Variants in BBX observed in about 807,000 individuals in gnomAD.
The protein encoded by BBX is HMG box transcription factor BBX.
BBX carries 30 observed loss-of-function variants against 100.2 expected under a neutral mutation model. The observed-to-expected ratio is 0.30, with a 90% confidence interval of 0.22 to 0.41. BBX has a LOEUF of 0.41. Among genes scored for constraint, BBX ranks in the 10% least tolerant of loss-of-function variants. BBX has a pLI of 1.00. For missense variants in BBX, 1,023 were observed against 1,129.8 expected, an observed-to-expected ratio of 0.91 and a Z score of 1.35; for synonymous variants, 376 against 388.1, an observed-to-expected ratio of 0.97 and a Z score of 0.37.
chr3:107,694,641 T>A (rs1285137340), intron 3 of BBX, among the ~76,000 whole-genome samples: 5 of 149,728 alleles, frequency 3.3e-5, no homozygotes, highest in Admixed American at 3.3e-4. Flanking sequence ...ATCAAGGATA[T>A]TGGTCTAAAA....
chr3:107,738,460 C>T (rs1273419023), intron 7 of BBX, among the ~76,000 whole-genome samples: 9 of 152,048 alleles, frequency 5.9e-5, no homozygotes, highest in Admixed American at 4.6e-4. Context: ...AAGTGTATTC[C>T]GTAAGACTAA....
At chr3:107,530,757 T>A (rs1327062008) in intron 2 of BBX, among the ~76,000 whole-genome samples, 2 of 152,200 alleles carry the variant, frequency 1.3e-5, no homozygotes, top group African/African-American at 4.8e-5. Context: ...AACATCCCAA[T>A]CCACATAAAA....
chr3:107,669,061 T>C (rs1314558397), intron 3 of BBX, among the ~76,000 whole-genome samples: 1 of 152,096 alleles, frequency 6.6e-6, no homozygotes, highest in Non-Finnish European at 1.5e-5. Context: ...TGGTCTTCAA[T>C]GGGAACTTTA....
rs199498147 is a variant in BBX at position 107,716,625 on chromosome 3, G to A, written c.181G>A (p.Asp61Asn). 2.8e-4 allele frequency: 445 copies of A among 1,613,476 alleles called. 1 individual carries two copies. The highest frequency in any genetic ancestry group is 3.6e-4 in the Non-Finnish European group (426 of 1,179,672). Reference protein sequence around the residue: ...DIDKVQLLGADGLEQDVGETE... With the variant: ...DIDKVQLLGANGLEQDVGETE... ...GTAATAGGTTCAACTTCTTGGGGCC[G>A]ATGGCCTAGAGCAAGATGTTGGTGA... Residue 61 changes from aspartate (D) to asparagine (N), a missense_variant, in exon 5 of 18, where the codon GAT (aspartate) becomes AAT (asparagine). Coordinates refer to ENST00000325805, the MANE Select transcript of BBX (RefSeq NM_001142568.3).
chr3:107,741,877 T>C (rs2064139840), intron 7 of BBX, among the ~76,000 whole-genome samples: 1 of 152,218 alleles, frequency 6.6e-6, no homozygotes, highest in Non-Finnish European at 1.5e-5. Context: ...TTCTTATTTC[T>C]TTATCAAATT....
chr3:107,638,839 A>G (rs2057025706), intron 2 of BBX, among the ~76,000 whole-genome samples: 1 of 138,410 alleles, frequency 7.2e-6, no homozygotes, highest in Non-Finnish European at 1.6e-5. Context: ...ACACAGACAA[A>G]TTAGCCAGGT....
intron 13 of BBX, 79 bp from the exon 14 acceptor site, chr3:107,789,708 T>G: frequency 9.8e-7 from 1 of 1,016,368 alleles, no homozygotes; most frequent in Non-Finnish European, 1.4e-6. Context: ...GGGAGGAGGG[T>G]GGAATTGTTG....
chr3:107,701,296 C>G (rs1396479275), intron 3 of BBX, among the ~76,000 whole-genome samples: 6 of 152,122 alleles, frequency 3.9e-5, no homozygotes, highest in Non-Finnish European at 8.8e-5. Context: ...GAACGGAAGA[C>G]CTTGTTTTCA....
intron 2 of BBX, among the ~76,000 whole-genome samples, chr3:107,612,790 C>CCT (rs1367868810): frequency 6.6e-5 from 10 of 152,162 alleles, no homozygotes; most frequent in African/African-American, 2.4e-4. Context: ...CCACAGTCAG[C>CCT]AGATAGTCAA....
chr3:107,761,066 C>T (rs1458951969), intron 10 of BBX, among the ~76,000 whole-genome samples: 1 of 152,150 alleles, frequency 6.6e-6, no homozygotes, highest in Admixed American at 6.5e-5. Context: ...ACAGTCATTG[C>T]CATTATCCGC....
rs532138107 is a variant in BBX, at chr3:107,542,767, C to T, written c.-84+16369C>T. ...TGCTGGCATTCCATCCCAGTTCATT[C>T]TGTCTACTGGAGGCCATATTTATAA... On this transcript the variant is annotated intron_variant, in intron 2 of 17. Transcript: ENST00000325805. Among the ~76,000 whole-genome samples the T allele has an allele frequency of 3.3e-5, 5 of 152,306 alleles. No individual in the cohort carries two copies. The South Asian group carries it at 1.0e-3, about 32-fold the overall frequency.
At chr3:107,736,335 C>G (rs906666383) in intron 7 of BBX, among the ~76,000 whole-genome samples, 1 of 151,674 alleles carries the variant, frequency 6.6e-6, no homozygotes, top group African/African-American at 2.4e-5. Flanking sequence ...AATGTAAGTA[C>G]CAGACAAAAA....
intron 7 of BBX, among the ~76,000 whole-genome samples, chr3:107,737,338 G>A (rs1209706408): frequency 2.7e-5 from 4 of 150,772 alleles, no homozygotes; most frequent in African/African-American, 9.8e-5. Context: ...GAGAGTTCTT[G>A]TCTATTGAAA....
At chr3:107,583,333 G>A (rs1046266168) in intron 2 of BBX, among the ~76,000 whole-genome samples, 2 of 151,996 alleles carry the variant, frequency 1.3e-5, no homozygotes, top group African/African-American at 2.4e-5. Flanking sequence ...TATATTATAA[G>A]TGAGGAAACA....
At chr3:107,546,639 A>G (rs2049260558) in intron 2 of BBX, among the ~76,000 whole-genome samples, 1 of 152,186 alleles carries the variant, frequency 6.6e-6, no homozygotes, top group African/African-American at 2.4e-5. Flanking sequence ...TTCTGAGTTA[A>G]ATAATTTAAA....
intron 15 of BBX, among the ~76,000 whole-genome samples, chr3:107,796,370 C>T (rs2069670815): frequency 6.6e-6 from 1 of 152,162 alleles, no homozygotes; most frequent in Admixed American, 6.5e-5. Context: ...ACTATATACC[C>T]TTATTTCTAC....
intron 2 of BBX, among the ~76,000 whole-genome samples, chr3:107,548,914 TCA>T (rs1336589176): frequency 6.6e-6 from 1 of 152,144 alleles, no homozygotes; most frequent in Non-Finnish European, 1.5e-5. Context: ...CCACATTCTC[TCA>T]GTTATAAGTG....
Position 107,616,387 on chromosome 3 carries a change from G to A in BBX, c.-83-29449G>A, listed in dbSNP as rs372371959. ...AGCCTGTAATACAGAGAGATCCCACGTGCCCTTTACCCAGATTCTTATAAT... is the reference window on the plus strand; with the variant it reads ...AGCCTGTAATACAGAGAGATCCCACATGCCCTTTACCCAGATTCTTATAAT... On this transcript the variant is annotated intron_variant, in intron 2 of 17. Coordinates refer to ENST00000325805, the MANE Select transcript of BBX (RefSeq NM_001142568.3). Among the ~76,000 whole-genome samples, 10 of 152,100 alleles carry A rather than the reference G, an allele frequency of 6.6e-5. No homozygotes were observed. In the South Asian group the frequency reaches 1.9e-3, roughly 28 times the overall value.
At chr3:107,563,209 C>T (rs13319315) in intron 2 of BBX, among the ~76,000 whole-genome samples, 19,374 of 152,090 alleles carry the variant, frequency 0.13, 1,475 homozygotes, top group Middle Eastern at 0.19. Flanking sequence ...CCAGTCAGGG[C>T]CTGATTGTTT....
Sources: gnomAD v4.1 joint callset for allele counts (sites outside exome capture counted in the v4.1 genomes callset) on GRCh38, gnomAD v4.1.1 for gene constraint, MANE v1.5 for transcripts, NCBI Gene and HGNC (gene_info 2026-07-23, HGNC 2026-07-21) for gene names.